The following LARP4 variants were observed in gnomAD, a reference collection of about 807,000 sequenced individuals.
The protein encoded by LARP4 is La ribonucleoprotein 4.
A neutral mutation model predicts 92.9 loss-of-function variants in LARP4; 29 were observed. The observed-to-expected ratio is 0.31, with a 90% CI of 0.23 to 0.43. LARP4 has a LOEUF of 0.43. Ranked by LOEUF, LARP4 falls within the 20% of genes least tolerant of loss-of-function variation. The pLI is 1.00. For missense variants in LARP4, 732 were observed against 860.0 expected (o/e 0.85, Z 1.86); for synonymous variants, 279 against 284.1 (o/e 0.98, Z 0.18).
At chr12:50,433,624 G>T (rs1419940662) in intron 4 of LARP4, among the ~76,000 whole-genome samples, 1 of 150,764 alleles carries the variant, frequency 6.6e-6, no homozygotes, top group Non-Finnish European at 1.5e-5. Flanking sequence ...CTTATTTTCA[G>T]ATTCTTAAGG....
intron 10 of LARP4, among the ~76,000 whole-genome samples, chr12:50,456,462 A>C (rs544544295): frequency 6.6e-6 from 1 of 151,864 alleles, no homozygotes; most frequent in African/African-American, 2.4e-5. Context: ...AAAAGTGACT[A>C]CTTCTAAAAA....
chr12:50,443,483 T>C (rs1279582791), intron 8 of LARP4, among the ~76,000 whole-genome samples: 1 of 152,050 alleles, frequency 6.6e-6, no homozygotes, highest in East Asian at 1.9e-4. Flanking sequence ...CCTAGGCTGG[T>C]CTCAAACTCT....
chr12:50,427,995 T>C (rs1048712574), intron 2 of LARP4, 86 bp downstream of exon 2: 6 of 548,124 alleles, frequency 1.1e-5, no homozygotes, highest in Admixed American at 8.7e-5. Flanking sequence ...ACACATCTCT[T>C]TTTTTTTTTT....
At chr12:50,464,835 C>T (rs1955928989) in intron 12 of LARP4, among the ~76,000 whole-genome samples, 1 of 151,488 alleles carries the variant, frequency 6.6e-6, no homozygotes, top group South Asian at 2.1e-4. Context: ...GAATTACAGG[C>T]GCTCGCCACC....
rs1158066961 is a variant in LARP4 at position 50,475,704 on chromosome 12, C to G, written c.2015C>G (p.Ala672Gly). ...EKPHEKPEAR[A>G]SKDYSGFRGN... ...CCACATGAGAAGCCAGAAGCAAGGG[C>G]TAGTAAGGATTATTCTGGCTTCCGA... Residue 672 changes from alanine (A) to glycine (G), a missense_variant, in exon 16 of 16, where the codon GCT (alanine) becomes GGT (glycine). This residue lies in a region of LARP4 where 115 missense variants were observed against 129.1 expected (regional missense o/e 0.89). Transcript: ENST00000398473. 1.9e-6 allele frequency: 3 copies of G among 1,613,984 alleles called. No homozygotes were observed. The South Asian group carries it at 3.3e-5, about 18-fold the overall frequency.
chr12:50,429,136 C>T (rs1305522934), intron 3 of LARP4, 46 bp downstream of exon 3: 1 of 1,379,700 alleles, frequency 7.2e-7, no homozygotes, highest in East Asian at 2.3e-5. Context: ...CAGTACAGGA[C>T]ACCCCCCACC....
Position 50,426,731 on chromosome 12 carries a change from G to GTGTGTGTGTGT in LARP4, c.19-1031_19-1030insTGTGTGTGTGT, listed in dbSNP as rs1483728898. On this transcript the variant is annotated intron_variant, in intron 1 of 15. Transcript: ENST00000398473. ...TGTGTGTGTGTGTGTGTGTGTGTGTGGTTTTTTTTTTTTTTTTTTTCTTTT... is the reference window on the plus strand; with the variant it reads ...TGTGTGTGTGTGTGTGTGTGTGTGTGTGTGTGTGTGTGTTTTTTTTTTTTTTTTTTTCTTTT... Among the ~76,000 whole-genome samples, 52 of 79,688 alleles carry GTGTGTGTGTGT rather than the reference G, an allele frequency of 6.5e-4. 1 individual carries two copies. The highest frequency in any genetic ancestry group is 8.0e-4 in the East Asian group (2 of 2,500). 52.3% of individuals were successfully genotyped at this position (79,688 alleles called of 152,430 possible). A position where few individuals can be genotyped will look rare whatever the true frequency, so the allele number is the denominator to read the frequency against.
At chr12:50,411,214 C>T (rs1246820387) in intron 1 of LARP4, among the ~76,000 whole-genome samples, 3 of 148,374 alleles carry the variant, frequency 2.0e-5, no homozygotes, top group African/African-American at 7.5e-5. Context: ...AAGATAGTGA[C>T]TTGTTCTGTT....
chr12:50,427,003 A>T (rs6580750), intron 1 of LARP4, among the ~76,000 whole-genome samples: 1 of 152,022 alleles, frequency 6.6e-6, no homozygotes, highest in Non-Finnish European at 1.5e-5. Flanking sequence ...CTCCCAAAGT[A>T]TTGGGATTAT....
intron 12 of LARP4, among the ~76,000 whole-genome samples, chr12:50,465,122 A>T (rs1201180441): frequency 6.6e-6 from 1 of 151,282 alleles, no homozygotes; most frequent in Non-Finnish European, 1.5e-5. Context: ...CTGTAATCCC[A>T]GCACTTTGGG....
At chr12:50,467,858 T>G (rs1956355678) in intron 13 of LARP4, among the ~76,000 whole-genome samples, 1 of 21,238 alleles carries the variant, frequency 4.7e-5, no homozygotes, top group African/African-American at 5.1e-5. Context: ...TCTAATTCAG[T>G]TTTTTTTTTA....
rs1391871055 is a variant in LARP4 at position 50,477,552 on chromosome 12, C to T, written c.*1688C>T. 2 of 152,472 alleles carry T rather than the reference C, an allele frequency of 1.3e-5. No individual in the cohort carries two copies. The highest frequency in any genetic ancestry group is 1.5e-5 in the Non-Finnish European group (1 of 67,934). The allele number at this position is 152,472 out of a possible 1,614,324, so 9.4% of individuals were successfully genotyped here. On this transcript the variant is annotated 3_prime_UTR_variant, in exon 16 of 16. Transcript: ENST00000398473. The stretch of plus-strand genomic sequence containing the variant: ...TTACTGTGAAATTCATCTTCCAACT[C>T]TAAGTTAAGCTTTGGAGATACATGT...
At chr12:50,416,396 C>G (rs960066842) in intron 1 of LARP4, 3 of 152,166 alleles carry the variant, frequency 2.0e-5, no homozygotes, top group Non-Finnish European at 4.4e-5. Flanking sequence ...TGCCGTGGCT[C>G]AACACCTATA....
chr12:50,452,510 C>T (rs1953399364), intron 8 of LARP4, among the ~76,000 whole-genome samples: 1 of 152,190 alleles, frequency 6.6e-6, no homozygotes, highest in Non-Finnish European at 1.5e-5. Context: ...AATCTCCATA[C>T]TAGTTTCCAT....
intron 15 of LARP4, 63 bp downstream of exon 15, chr12:50,474,230 TC>T (rs1957293205): frequency 8.6e-7 from 1 of 1,167,166 alleles, no homozygotes; most frequent in Non-Finnish European, 1.2e-6. Context: ...TTTTTTTTTT[TC>T]ACGTAACACT....
chr12:50,421,166 G>A (rs563558135), intron 1 of LARP4: 118 of 281,498 alleles, frequency 4.2e-4, no homozygotes, highest in African/African-American at 2.7e-3. Flanking sequence ...GGCTAGGCTG[G>A]TCTCGAACTC....
At chr12:50,454,925 T>A (rs1953937506) in intron 10 of LARP4, 1 of 152,498 alleles carries the variant, frequency 6.6e-6, no homozygotes, top group Non-Finnish European at 1.5e-5. Context: ...GCTTTACATA[T>A]TTTATCAGTT....
intron 9 of LARP4, 42 bp from the exon 10 acceptor site, chr12:50,454,272 A>G: frequency 6.8e-7 from 1 of 1,469,576 alleles, no homozygotes; most frequent in South Asian, 1.2e-5. Context: ...ACCAGATTTT[A>G]CCTTTGCCAT....
chr12:50,406,453 C>A (rs1400164100), intron 1 of LARP4, among the ~76,000 whole-genome samples: 3 of 152,054 alleles, frequency 2.0e-5, no homozygotes, highest in Non-Finnish European at 2.9e-5. Flanking sequence ...TGCACTCCAG[C>A]CTGGATGACA....
Sources: gnomAD v4.1 joint callset for allele counts (sites outside exome capture counted in the v4.1 genomes callset) on GRCh38, gnomAD v4.1.1 for gene constraint, gnomAD v4.1.1 regional missense constraint, MANE v1.5 for transcripts, NCBI Gene and HGNC (gene_info 2026-07-23, HGNC 2026-07-21) for gene names.